GRAMD1B: variants seen among roughly 807,000 people sequenced by gnomAD.
GRAMD1B encodes the protein protein Aster-B.
A neutral mutation model predicts 99.7 loss-of-function variants in GRAMD1B; 37 were observed. The ratio of observed to expected loss-of-function variants is 0.37; its 90% CI spans 0.29 to 0.49. The LOEUF (loss-of-function observed/expected upper bound fraction) is 0.49. GRAMD1B is among the 20% of genes least tolerant of loss of function. The pLI is 0.98. For missense variants in GRAMD1B, 888 were observed against 1,009.2 expected (o/e 0.88, Z 1.63); for synonymous variants, 427 against 387.6 (o/e 1.10, Z -1.19).
chr11:123,508,611 G>C (rs1450209865), intron 2 of GRAMD1B, among the ~76,000 whole-genome samples: 1 of 152,182 alleles, frequency 6.6e-6, no homozygotes, highest in Non-Finnish European at 1.5e-5. Flanking sequence ...AGTCTGTATT[G>C]ATCTACCTGA....
At chr11:123,579,700 C>T (rs1949124382) in intron 3 of GRAMD1B, among the ~76,000 whole-genome samples, 1 of 152,194 alleles carries the variant, frequency 6.6e-6, no homozygotes, top group African/African-American at 2.4e-5. Flanking sequence ...AGGCTCCCCA[C>T]TCCCTGCTCC....
chr11:123,537,142 T>C lies in GRAMD1B; in HGVS notation c.453-40225T>C, dbSNP rs76159683. On this transcript the variant is annotated intron_variant, in intron 2 of 19. Transcript: ENST00000635736. ...CAAGCATAAAAGGATGAGTCAGTAC[T>C]GGTTGTTGCTCTAGCAGAGTGCCTG... Among the ~76,000 whole-genome samples, 6 of 152,282 alleles carry C rather than the reference T, an allele frequency of 3.9e-5. No individual in the cohort carries two copies. The East Asian group carries it at 1.2e-3, about 29-fold the overall frequency.
intron 2 of GRAMD1B, among the ~76,000 whole-genome samples, chr11:123,576,312 G>C (rs544053665): frequency 6.6e-6 from 1 of 152,224 alleles, no homozygotes; most frequent in Non-Finnish European, 1.5e-5. Flanking sequence ...AGAGGCTGCT[G>C]AGCAGGTGGG....
chr11:123,609,947 C>A, intron 13 of GRAMD1B, 34 bp downstream of exon 13: 2 of 1,173,510 alleles, frequency 1.7e-6, no homozygotes, highest in Non-Finnish European at 2.5e-6. Flanking sequence ...GAAGAGCGAG[C>A]TGGAAAATCC....
intron 19 of GRAMD1B, among the ~76,000 whole-genome samples, chr11:123,620,594 G>A (rs867776502): frequency 6.6e-6 from 1 of 151,998 alleles, no homozygotes; most frequent in Non-Finnish European, 1.5e-5. Flanking sequence ...AACCAAAAGG[G>A]GACAGAAAGC....
At chr11:123,524,144 G>T (rs1942457980) in intron 2 of GRAMD1B, among the ~76,000 whole-genome samples, 1 of 152,054 alleles carries the variant, frequency 6.6e-6, no homozygotes, top group Non-Finnish European at 1.5e-5. Flanking sequence ...TTAAACGCTT[G>T]CTTATAGTAC....
intron 3 of GRAMD1B, chr11:123,578,333 T>C: frequency 8.0e-7 from 1 of 1,245,232 alleles, no homozygotes; most frequent in Non-Finnish European, 1.1e-6. Flanking sequence ...CTTGAATTTG[T>C]CTTTTGATTT....
At chr11:123,609,644 C>A in intron 12 of GRAMD1B, 151 bp from the exon 13 acceptor site, 1 of 588,368 alleles carries the variant, frequency 1.7e-6, no homozygotes, top group Non-Finnish European at 3.1e-6. Flanking sequence ...CCTCTTCCCA[C>A]CCTCCCCCCG....
At chr11:123,369,412 A>T (rs188286949) in intron 1 of GRAMD1B, among the ~76,000 whole-genome samples, 21 of 152,312 alleles carry the variant, frequency 1.4e-4, no homozygotes, top group Non-Finnish European at 2.5e-4. Flanking sequence ...AAACTTGAGA[A>T]CTCAGAAGGT....
chr11:123,537,217 T>C (rs765908964), intron 2 of GRAMD1B, among the ~76,000 whole-genome samples: 27 of 152,316 alleles, frequency 1.8e-4, no homozygotes, highest in Middle Eastern at 3.4e-3. Context: ...TAGGGTCTTA[T>C]AGGAAAATTC....
Position 123,587,204 on chromosome 11 carries a change from A to G in GRAMD1B, c.684+2872A>G, listed in dbSNP as rs144594824. 6.6e-6 allele frequency among the ~76,000 whole-genome samples: 1 copy of G among 152,286 alleles called. No homozygotes were observed. The highest frequency in any genetic ancestry group is 1.5e-5 in the Non-Finnish European group (1 of 68,008). ...GATGACAGACATGCTTGGTCTAAAG[A>G]GTGAGTCATGCGGAGGCAAGTGGCT... On this transcript the variant is annotated intron_variant, in intron 4 of 19. Transcript: ENST00000635736. This position sits in a 1 kb window ranked among gnomAD's most constrained non-coding sequence, Gnocchi z 4.2.
rs113672412 is a variant in GRAMD1B, at chr11:123,605,473, G to A, written c.1318G>A (p.Val440Ile). ...LTSTGSSEAPVSFDGLPLEEE... is the reference protein window; with the variant it reads ...LTSTGSSEAPISFDGLPLEEE... ...ATCCACAGGGAGCAGTGAGGCCCCC[G>A]TCTCGGTATGGGCAGTCAGCCTTTG... The change falls in exon 10 of 20, where the codon GTC (valine) becomes ATC (isoleucine). Residue 440 changes from valine to isoleucine, a missense_variant. Val to Ile is a conservative substitution (Grantham distance 29). Around this residue, in one of 5 missense-constraint regions of GRAMD1B, gnomAD observed 269 missense variants for 296.6 expected, o/e 0.91. Coordinates refer to ENST00000635736, the MANE Select transcript of GRAMD1B (RefSeq NM_001387025.1). 2.1e-5 allele frequency: 33 copies of A among 1,608,896 alleles called. No homozygotes were observed. The highest frequency in any genetic ancestry group is 9.4e-5 in the African/African-American group (7 of 74,772).
At chr11:123,469,913 C>T (rs190228083) in intron 1 of GRAMD1B, among the ~76,000 whole-genome samples, 1 of 152,134 alleles carries the variant, frequency 6.6e-6, no homozygotes, top group East Asian at 1.9e-4. Flanking sequence ...CTGCTAAGTG[C>T]TGCATTTTTG....
At chr11:123,495,872 T>G (rs973142243) in intron 2 of GRAMD1B, among the ~76,000 whole-genome samples, 11 of 152,194 alleles carry the variant, frequency 7.2e-5, no homozygotes, top group African/African-American at 2.2e-4. Context: ...TTAATTTTGC[T>G]TTTTAGCTTT....
At chr11:123,447,550 C>T (rs1335063121) in intron 1 of GRAMD1B, among the ~76,000 whole-genome samples, 1 of 152,172 alleles carries the variant, frequency 6.6e-6, no homozygotes, top group Admixed American at 6.5e-5. Context: ...GTCCTAGAGA[C>T]AGGCTGAGGC....
rs1938660725 is a variant in GRAMD1B at position 123,492,486 on chromosome 11, A to T, written c.452+11593A>T. Among the ~76,000 whole-genome samples, 1 of 152,120 alleles carries T rather than the reference A, an allele frequency of 6.6e-6. No homozygotes were observed. Among genetic ancestry groups the T allele is most frequent in the Non-Finnish European group, 1.5e-5 (1 of 68,016 alleles). On this transcript the variant is annotated intron_variant, in intron 2 of 19. Coordinates refer to ENST00000635736, the MANE Select transcript of GRAMD1B (RefSeq NM_001387025.1). This position sits in a 1 kb window ranked among gnomAD's most constrained non-coding sequence, Gnocchi z 4.2. The stretch of plus-strand genomic sequence containing the variant: ...GATGTGGGGTGCTTTTTCCTAAAAC[A>T]GCCCCCATACCTGGCAGATGGGCTG...
chr11:123,402,169 C>T (rs1014453026), intron 1 of GRAMD1B, among the ~76,000 whole-genome samples: 1 of 152,188 alleles, frequency 6.6e-6, no homozygotes, highest in African/African-American at 2.4e-5. Context: ...GTGTGTGCCA[C>T]CACACCCAGC....
rs1384831214 is a variant in GRAMD1B, at chr11:123,625,072, A to G, written c.*2477A>G. On this transcript the variant is annotated 3_prime_UTR_variant, in exon 20 of 20. Transcript: ENST00000635736. ...TAATTTTTTGACTATCATACCAGGA[A>G]AAAACCAACAACTCTATTCATTCCC... is the stretch of plus-strand genomic sequence containing the variant. 6.6e-6 allele frequency: 1 copy of G among 152,196 alleles called. No homozygotes were observed. The highest frequency in any genetic ancestry group is 1.5e-5 in the Non-Finnish European group (1 of 68,040). 9.4% of individuals were successfully genotyped at this position (152,196 alleles called of 1,614,324 possible).
intron 11 of GRAMD1B, chr11:123,608,274 A>G: frequency 1.8e-6 from 1 of 562,484 alleles, no homozygotes; most frequent in Non-Finnish European, 3.2e-6. Flanking sequence ...TGTCGATTAG[A>G]GTTAACTTAC....
Sources: gnomAD v4.1 joint callset for allele counts (sites outside exome capture counted in the v4.1 genomes callset) on GRCh38, gnomAD v4.1.1 for gene constraint, gnomAD v4.1.1 regional missense constraint, Gnocchi (gnomAD v3.1) non-coding constraint, MANE v1.5 for transcripts, NCBI Gene and HGNC (gene_info 2026-07-23, HGNC 2026-07-21) for gene names.